The following CCDC34 variants were observed in gnomAD, a reference collection of about 807,000 sequenced individuals.
CCDC34 encodes the protein coiled-coil domain-containing protein 34.
CCDC34 carries 40 observed loss-of-function variants against 44.1 expected under a neutral mutation model. That is an observed-to-expected ratio of 0.91 (90% CI 0.70 to 1.18). The LOEUF is 1.18. Ranked by LOEUF, CCDC34 falls within the 50% of genes most tolerant of loss-of-function variation. The pLI, the probability that CCDC34 is intolerant of heterozygous loss-of-function variation, is 0.00. For synonymous variants in CCDC34, 159 were observed against 158.2 expected, an observed-to-expected ratio of 1.01 and a Z score of -0.04; for missense variants, 466 against 452.3, an observed-to-expected ratio of 1.03 and a Z score of -0.28.
At chr11:27,351,485 A>G (rs952913603) in intron 2 of CCDC34, among the ~76,000 whole-genome samples, 2 of 152,226 alleles carry the variant, frequency 1.3e-5, no homozygotes, top group Admixed American at 6.5e-5. Context: ...GCCCTCACTC[A>G]GGAAGTCTTC....
intron 3 of CCDC34, among the ~76,000 whole-genome samples, chr11:27,344,799 G>A (rs931837269): frequency 2.6e-5 from 4 of 151,996 alleles, no homozygotes; most frequent in Non-Finnish European, 5.9e-5. Context: ...TCCCAATAGT[G>A]CCAAGCACTA....
intron 1 of CCDC34, among the ~76,000 whole-genome samples, chr11:27,362,285 C>T (rs949091583): frequency 6.6e-6 from 1 of 152,182 alleles, no homozygotes; most frequent in Admixed American, 6.5e-5. Context: ...ACAATGACAT[C>T]CATTCCTCTG....
At position 27,343,351 on chromosome 11, in the gene CCDC34, G is replaced by A. The variant is rs553181396; in HGVS notation, c.607-1801C>T. On this transcript the variant is annotated intron_variant, in intron 3 of 5. Transcript: ENST00000328697. ...CAGGAGGCGGAGGTTGCAGTTAGCCGAGATCGTGCCATTGAACTCCAGCCT... is the reference window on the plus strand; with the variant it reads ...CAGGAGGCGGAGGTTGCAGTTAGCCAAGATCGTGCCATTGAACTCCAGCCT... 4.0e-5 allele frequency among the ~76,000 whole-genome samples: 6 copies of A among 150,212 alleles called. No homozygotes were observed. In the East Asian group the frequency reaches 9.8e-4, roughly 25 times the overall value.
chr11:27,362,361 T>C (rs1862678060), intron 1 of CCDC34, among the ~76,000 whole-genome samples: 1 of 152,228 alleles, frequency 6.6e-6, no homozygotes, highest in Non-Finnish European at 1.5e-5. Flanking sequence ...ATCTCTGTGC[T>C]TCAGCACTTT....
chr11:27,338,835 T>C lies in CCDC34; in HGVS notation c.1108A>G (p.Arg370Gly). Residue 370 changes from arginine to glycine, a missense_variant, in exon 6 of 6, where the codon AGA becomes GGA. Transcript: ENST00000328697. ...TTCCACATACGCTATCTTTGTATTC[T>C]GCACAGAGTTCCAAGGCAAAGATTG... is the stretch of plus-strand genomic sequence containing the variant. ...RSNLCLGTLC[R>G]IQR 6.2e-7 allele frequency: 1 copy of C among 1,611,858 alleles called. No individual in the cohort carries two copies. Among genetic ancestry groups the C allele is most frequent in the East Asian group, 2.2e-5 (1 of 44,800 alleles).
chr11:27,350,153 G>C, intron 3 of CCDC34, 179 bp downstream of exon 3: 1 of 1,479,628 alleles, frequency 6.8e-7, no homozygotes, highest in Non-Finnish European at 8.9e-7. Flanking sequence ...GAGAAAAGTA[G>C]AGGGCAAAGG....
intron 3 of CCDC34, chr11:27,349,039 T>G (rs1410374519): frequency 1.0e-6 from 1 of 984,438 alleles, no homozygotes; most frequent in African/African-American, 1.7e-5. Context: ...ACAGTGAATA[T>G]ATTGTCTCCC....
At chr11:27,354,422 G>T (rs1032037995) in intron 2 of CCDC34, among the ~76,000 whole-genome samples, 66 of 152,102 alleles carry the variant, frequency 4.3e-4, no homozygotes, top group African/African-American at 1.5e-3. Flanking sequence ...GTACATATTA[G>T]TCCATATCCT....
In CCDC34 at chr11:27,361,206, T is replaced by A. The variant is rs61887802; in HGVS notation, c.359+1630A>T. 3.9e-3 allele frequency among the ~76,000 whole-genome samples: 596 copies of A among 152,326 alleles called. 2 individuals carry two copies. The highest frequency in any genetic ancestry group is 5.7e-3 in the Non-Finnish European group (388 of 68,032). ...TGAAATGTGATAAGGAAGGCAGCCT[T>A]AGCCCTGTGGTGCTACCAGCTCATT... On this transcript the variant is annotated intron_variant, in intron 1 of 5. Transcript: ENST00000328697.
In CCDC34 at chr11:27,340,701, A is replaced by AG. The variant is rs918226147; in HGVS notation, c.901dup (p.Leu301ProfsTer17). The AG allele has an allele frequency of 4.4e-6, 7 of 1,606,694 alleles. No individual in the cohort carries two copies. The highest frequency in any genetic ancestry group is 5.9e-6 in the Non-Finnish European group (7 of 1,177,272). ...CACACAACATAAAAACCAACCTGTA[A>AG]GTTTTCCATTGGCATAACCATAGCT... On this transcript the variant is annotated frameshift_variant, in exon 5 of 6. Coordinates refer to ENST00000328697, the MANE Select transcript of CCDC34 (RefSeq NM_030771.2). LOFTEE classifies it high-confidence loss of function.
At chr11:27,359,827 G>C (rs555989582) in intron 1 of CCDC34, among the ~76,000 whole-genome samples, 2 of 152,118 alleles carry the variant, frequency 1.3e-5, no homozygotes, top group African/African-American at 4.8e-5. Context: ...CATTTATGAC[G>C]AACTCCTACT....
chr11:27,357,907 T>C lies in CCDC34; in HGVS notation c.360-366A>G, dbSNP rs201175829. Among the ~76,000 whole-genome samples, 4 of 152,296 alleles carry C rather than the reference T, an allele frequency of 2.6e-5. No individual in the cohort carries two copies. The East Asian group carries it at 7.7e-4, about 29-fold the overall frequency. ...ACAACATATAATCCTAATCAGATAC[T>C]GAAGCAGACTCTTCCCTTTCCCGCC... On this transcript the variant is annotated intron_variant, in intron 1 of 5. Transcript: ENST00000328697.
At chr11:27,346,841 G>A (rs1228289853) in intron 3 of CCDC34, among the ~76,000 whole-genome samples, 3 of 152,160 alleles carry the variant, frequency 2.0e-5, no homozygotes, top group African/African-American at 7.2e-5. Context: ...GAGGTCATAA[G>A]GGTAGGACCC....
intron 4 of CCDC34, 96 bp downstream of exon 4, chr11:27,341,296 A>G: frequency 1.4e-6 from 1 of 719,648 alleles, no homozygotes; most frequent in Non-Finnish European, 2.2e-6. Flanking sequence ...ATGCTAAGAT[A>G]GTGCCAATTT....
At chr11:27,359,396 G>A (rs1385413682) in intron 1 of CCDC34, among the ~76,000 whole-genome samples, 1 of 152,044 alleles carries the variant, frequency 6.6e-6, no homozygotes, top group African/African-American at 2.4e-5. Flanking sequence ...TTCCACCTCC[G>A]CATAAAGTCA....
At position 27,362,930 on chromosome 11, in the gene CCDC34, C is replaced by G. The variant is rs142103410; in HGVS notation, c.265G>C (p.Asp89His). Residue 89 changes from aspartate to histidine, a missense_variant, in exon 1 of 6, where the codon GAC becomes CAC. Coordinates refer to ENST00000328697, the MANE Select transcript of CCDC34 (RefSeq NM_030771.2). ...EDDGDGEDEE[D>H]VDDEEDVDED... is the part of the protein sequence containing the mutation. ...TCCACGTCTTCCTCATCATCCACGT[C>G]TTCCTCATCCTCCCCGTCACCGTCG... The G allele has an allele frequency of 6.2e-7, 1 of 1,614,118 alleles. No individual in the cohort carries two copies. Among genetic ancestry groups the G allele is most frequent in the African/African-American group, 1.3e-5 (1 of 75,014 alleles).
intron 3 of CCDC34, among the ~76,000 whole-genome samples, chr11:27,346,412 A>G (rs1862434195): frequency 7.2e-6 from 1 of 139,244 alleles, no homozygotes; most frequent in East Asian, 2.6e-4. Flanking sequence ...AAGAGACAGA[A>G]GAGAGGGAAA....
Position 27,338,605 on chromosome 11 carries a change from T to C in CCDC34, c.*216A>G. The stretch of plus-strand genomic sequence containing the variant: ...TTCTTACATATTCAGCCACTTATTC[T>C]GCAAAACAACATGCCAAGATCAACC... On this transcript the variant is annotated 3_prime_UTR_variant, in exon 6 of 6. Coordinates refer to ENST00000328697, the MANE Select transcript of CCDC34 (RefSeq NM_030771.2). 2.0e-6 allele frequency: 1 copy of C among 502,528 alleles called. No homozygotes were observed. The allele number at this position is 502,528 out of a possible 1,614,324, so 31.1% of individuals were successfully genotyped here.
In CCDC34 at chr11:27,338,830, T is replaced by C. The variant is rs12794907; in HGVS notation, c.1113A>G (p.Ile371Met). The change falls in exon 6 of 6, where the codon ATA (isoleucine) becomes ATG (methionine). Residue 371 changes from isoleucine to methionine, a missense_variant. Transcript: ENST00000328697. ...TTATTTTCCACATACGCTATCTTTG[T>C]ATTCTGCACAGAGTTCCAAGGCAAA... ...SNLCLGTLCR[I>M]QR 3 of 1,610,310 alleles carry C rather than the reference T, an allele frequency of 1.9e-6. No homozygotes were observed. The highest frequency in any genetic ancestry group is 2.5e-6 in the Non-Finnish European group (3 of 1,177,602).
Sources: allele counts gnomAD v4.1 joint callset (sites outside exome capture counted in the v4.1 genomes callset), GRCh38; gene constraint gnomAD v4.1.1; transcripts MANE v1.5; gene names NCBI Gene and HGNC (gene_info 2026-07-23, HGNC 2026-07-21).